CLCA1: variants seen among roughly 807,000 people sequenced by gnomAD.
The protein encoded by CLCA1 is chloride channel accessory 1.
In CLCA1, 59 loss-of-function variants were observed where a neutral mutation model predicts 85.6. The ratio of observed to expected loss-of-function variants is 0.69; its 90% confidence interval spans 0.56 to 0.86. CLCA1 has a LOEUF of 0.86. CLCA1 is among the 40% of genes least tolerant of loss of function. The probability of loss-of-function intolerance (pLI) is 0.00; values close to 1 mark genes in which losing one functional copy is unlikely to be tolerated. For missense variants in CLCA1, 1,022 were observed against 1,101.4 expected, an observed-to-expected ratio of 0.93 and a Z score of 1.02; for synonymous variants, 396 against 398.3, an observed-to-expected ratio of 0.99 and a Z score of 0.07.
intron 7 of CLCA1, among the ~76,000 whole-genome samples, chr1:86,487,414 G>A (rs1203975340): frequency 6.6e-6 from 1 of 152,154 alleles, no homozygotes; most frequent in Non-Finnish European, 1.5e-5. Flanking sequence ...CCATTCAGAT[G>A]AGCGAGAGAG....
In CLCA1 at chr1:86,474,553, C is replaced by CAA. The variant is rs142437955; in HGVS notation, c.451+689_451+690dup. On this transcript the variant is annotated intron_variant, in intron 3 of 13. Transcript: ENST00000394711. The stretch of plus-strand genomic sequence containing the variant: ...TGGGCGACAGAGCGAGACTCCGTAT[C>CAA]AAAAAAAAAAAAAGGGGGGGGATTC... 9.3e-4 allele frequency among the ~76,000 whole-genome samples: 101 copies of CAA among 109,118 alleles called. 1 individual carries two copies. The South Asian group carries it at 0.015, about 16-fold the overall frequency. The allele number at this position is 109,118 out of a possible 152,430, so 71.6% of individuals were successfully genotyped here.
chr1:86,492,844 T>C (rs556354970), intron 9 of CLCA1, among the ~76,000 whole-genome samples: 1 of 152,308 alleles, frequency 6.6e-6, no homozygotes, highest in African/African-American at 2.4e-5. Flanking sequence ...TAAGGGTTCA[T>C]AGTCTAATAA....
At chr1:86,495,710 A>G in intron 12 of CLCA1, 35 bp downstream of exon 12, 1 of 1,569,166 alleles carries the variant, frequency 6.4e-7, no homozygotes, top group Middle Eastern at 1.7e-4. Flanking sequence ...TGGCTTGTGC[A>G]AAAGCATTGG....
rs754553584 is a variant in CLCA1, at chr1:86,495,586, TGCGGG to T, written c.2025_2029del (p.Arg676SerfsTer5). ...ACGAATGGTAGATACAGTGTAAAAG[TGCGGG>T]CTCTGGGAGGAGTTAACGCAGCCAG... On this transcript the variant is annotated frameshift_variant, in exon 12 of 14. Coordinates refer to ENST00000394711, the MANE Select transcript of CLCA1 (RefSeq NM_001285.4). LOFTEE classifies it high-confidence loss of function. 5.0e-6 allele frequency: 8 copies of T among 1,613,954 alleles called. No individual in the cohort carries two copies. In the Admixed American group the frequency reaches 1.0e-4, roughly 20 times the overall value.
chr1:86,499,969 A>G lies in CLCA1; in HGVS notation c.2669A>G (p.Asn890Ser). The G allele has an allele frequency of 6.2e-7, 1 of 1,612,474 alleles. No homozygotes were observed. The highest frequency in any genetic ancestry group is 2.2e-5 in the East Asian group (1 of 44,866). ...TSAPCPNIHI[N>S]STIPGIHILK... ...GCTCCTTGTCCTAATATTCATATCA[A>G]CAGCACCATTCCTGGCATTCACATT... The change falls in exon 14 of 14, where the codon AAC becomes AGC. Residue 890 changes from asparagine (N) to serine (S), a missense_variant. Coordinates refer to ENST00000394711, the MANE Select transcript of CLCA1 (RefSeq NM_001285.4).
chr1:86,477,275 T>C (rs1558135191), intron 4 of CLCA1, among the ~76,000 whole-genome samples: 1 of 152,138 alleles, frequency 6.6e-6, no homozygotes, highest in Non-Finnish European at 1.5e-5. Context: ...CGGCCCAGAA[T>C]GGTATCTGTG....
At chr1:86,498,549 T>C in intron 12 of CLCA1, 23 bp from the exon 13 acceptor site, 1 of 1,606,402 alleles carries the variant, frequency 6.2e-7, no homozygotes. Context: ...GCTTACCATA[T>C]TTTGAGTATT....
intron 3 of CLCA1, among the ~76,000 whole-genome samples, chr1:86,475,010 T>C (rs963996418): frequency 2.0e-5 from 3 of 152,094 alleles, no homozygotes; most frequent in African/African-American, 7.2e-5. Context: ...CTTAAAGACC[T>C]GGTCAAAAGG....
At position 86,485,448 on chromosome 1, in the gene CLCA1, G is replaced by C; in HGVS notation, c.841G>C (p.Asp281His). 6.2e-7 allele frequency: 1 copy of C among 1,614,112 alleles called. No homozygotes were observed. The highest frequency in any genetic ancestry group is 8.5e-7 in the Non-Finnish European group (1 of 1,180,006). ...STWEVIRDSE[D>H]FKKTTPMTTQ... is the part of the protein sequence containing the mutation. ...ATGGGAAGTGATCCGTGATTCTGAG[G>C]ACTTTAAGAAAACCACTCCTATGAC... Residue 281 changes from aspartate (D) to histidine (H), a missense_variant, in exon 6 of 14, where the codon GAC becomes CAC. Physicochemically the swap from Asp to His is moderately conservative, Grantham distance 81 (BLOSUM62 -1). Coordinates refer to ENST00000394711, the MANE Select transcript of CLCA1 (RefSeq NM_001285.4).
chr1:86,490,628 G>A (rs1648108217), intron 8 of CLCA1, among the ~76,000 whole-genome samples: 1 of 152,068 alleles, frequency 6.6e-6, no homozygotes, highest in East Asian at 1.9e-4. Flanking sequence ...ATGTAAAAGT[G>A]CAGGACCTTT....
At chr1:86,476,799 C>T (rs2180764) in intron 4 of CLCA1, among the ~76,000 whole-genome samples, 20,072 of 151,854 alleles carry the variant, frequency 0.13, 1,502 homozygotes, top group East Asian at 0.34. Flanking sequence ...TTTAACTGTA[C>T]CAACTATAAA....
At position 86,489,013 on chromosome 1, in the gene CLCA1, T is replaced by G; in HGVS notation, c.1200T>G (p.Tyr400Ter). The G allele has an allele frequency of 2.5e-6, 4 of 1,613,992 alleles. No individual in the cohort carries two copies. The highest frequency in any genetic ancestry group is 2.7e-5 in the African/African-American group (2 of 75,036). Residue 400 changes from tyrosine (Y) to a stop codon, truncating the protein, a stop_gained, in exon 8 of 14, where the codon TAT becomes TAG. Transcript: ENST00000394711. LOFTEE classifies it high-confidence loss of function. The part of the protein sequence containing the change: ...RSAFTVIRKK[Y>*]PTDGSEIVLL... Reference sequence around the variant, plus strand: ...GTCCTTAGGTGATTAGGAAGAAATATCCAACTGATGGATCTGAAATTGTGC... The same window carrying G: ...GTCCTTAGGTGATTAGGAAGAAATAGCCAACTGATGGATCTGAAATTGTGC...
At chr1:86,479,880 A>G (rs568264160) in intron 4 of CLCA1, among the ~76,000 whole-genome samples, 25 of 152,188 alleles carry the variant, frequency 1.6e-4, no homozygotes, top group African/African-American at 5.8e-4. Flanking sequence ...GTGAGACTCC[A>G]TCTCAAAAAA....
intron 13 of CLCA1, 77 bp from the exon 14 acceptor site, chr1:86,499,577 T>C: frequency 1.1e-6 from 1 of 950,588 alleles, no homozygotes; most frequent in South Asian, 1.8e-5. Context: ...TTTTTAAATA[T>C]TTTTTAAAGC....
Position 86,485,561 on chromosome 1 carries a change from G to A in CLCA1, c.954G>A (p.Ala318=), listed in dbSNP as rs752122450. ...TCCTTGACAAATCTGGAAGCATGGC[G>A]GTATGTTCAATGAGTCTTGGTCTTC... The part of the protein sequence containing the change: ...CLVLDKSGSM[A]TGNRLNRLNQ... The change falls in exon 6 of 14, where the codon GCG becomes GCA. Residue 318 remains alanine, a splice_region_variant and synonymous_variant. Coordinates refer to ENST00000394711, the MANE Select transcript of CLCA1 (RefSeq NM_001285.4). The A allele has an allele frequency of 9.9e-6, 16 of 1,613,682 alleles. No individual in the cohort carries two copies. The highest frequency in any genetic ancestry group is 4.4e-5 in the South Asian group (4 of 91,078).
At position 86,486,535 on chromosome 1, in the gene CLCA1, C is replaced by T. The variant is rs965907873; in HGVS notation, c.964C>T (p.Arg322Cys). 23 of 1,613,834 alleles carry T rather than the reference C, an allele frequency of 1.4e-5. No homozygotes were observed. Among genetic ancestry groups the T allele is most frequent in the Non-Finnish European group, 1.4e-5 (17 of 1,179,966 alleles). The change falls in exon 7 of 14, where the codon CGC becomes TGC. Residue 322 changes from arginine (R) to cysteine (C), a missense_variant. By Grantham distance (180) the Arg-to-Cys change is radical. Transcript: ENST00000394711. ...TTGCTTCTCCATTTAGACTGGTAAC[C>T]GCCTCAATCGACTGAATCAAGCAGG... ...DKSGSMATGNRLNRLNQAGQL... is the reference protein window; with the variant it reads ...DKSGSMATGNCLNRLNQAGQL...
At chr1:86,480,558 T>C (rs547458430) in intron 4 of CLCA1, among the ~76,000 whole-genome samples, 62 of 152,034 alleles carry the variant, frequency 4.1e-4, no homozygotes, top group African/African-American at 1.5e-3. Context: ...GGGGGTGAGG[T>C]TGAAGCTGCA....
chr1:86,478,833 C>T (rs1647746629), intron 4 of CLCA1, among the ~76,000 whole-genome samples: 1 of 152,044 alleles, frequency 6.6e-6, no homozygotes, highest in Non-Finnish European at 1.5e-5. Flanking sequence ...CATTATCTTC[C>T]AAATTTTTAA....
chr1:86,480,023 A>G (rs1205199849), intron 4 of CLCA1, among the ~76,000 whole-genome samples: 1 of 152,228 alleles, frequency 6.6e-6, no homozygotes. Context: ...TGTGTGGGGA[A>G]AAAATTAACA....
Sources: allele counts gnomAD v4.1 joint callset (sites outside exome capture counted in the v4.1 genomes callset), GRCh38; gene constraint gnomAD v4.1.1; transcripts MANE v1.5; gene names NCBI Gene and HGNC (gene_info 2026-07-23, HGNC 2026-07-21).